CNTNAP2: variants seen among roughly 807,000 people sequenced by gnomAD.
CNTNAP2 encodes the protein contactin-associated protein-like 2.
A neutral mutation model predicts 155.2 loss-of-function variants in CNTNAP2; 98 were observed. The ratio of observed to expected loss-of-function variants is 0.63; its 90% confidence interval spans 0.54 to 0.75. CNTNAP2 has a LOEUF of 0.75. Ranked by LOEUF, CNTNAP2 falls within the 30% of genes least tolerant of loss-of-function variation. The pLI is 0.00. For synonymous variants in CNTNAP2, 651 were observed against 631.2 expected, an observed-to-expected ratio of 1.03 and a Z score of -0.47; for missense variants, 1,727 against 1,688.1, an observed-to-expected ratio of 1.02 and a Z score of -0.40.
At position 148,210,187 on chromosome 7, in the gene CNTNAP2, C is replaced by T. The variant is rs191176575; in HGVS notation, c.3011-7101C>T. ...CACAGCAATGAAATGATTTGCCTGG[C>T]CAAGGTCAAAAAGCGAGTTGGTGGC... On this transcript the variant is annotated intron_variant, in intron 18 of 23. Transcript: ENST00000361727. Among the ~76,000 whole-genome samples the T allele has an allele frequency of 3.2e-3, 491 of 152,308 alleles. 1 individual carries two copies. The highest frequency in any genetic ancestry group is 8.1e-3 in the Admixed American group (124 of 15,300).
At chr7:147,102,511 C>G (rs546049113) in intron 4 of CNTNAP2, among the ~76,000 whole-genome samples, 1 of 152,168 alleles carries the variant, frequency 6.6e-6, no homozygotes, top group African/African-American at 2.4e-5. Flanking sequence ...TGTCACTGTC[C>G]TAGGGAATAT....
intron 3 of CNTNAP2, among the ~76,000 whole-genome samples, chr7:146,926,024 G>C (rs988523207): frequency 6.6e-6 from 1 of 151,874 alleles, no homozygotes; most frequent in African/African-American, 2.4e-5. Flanking sequence ...TATTCAATTT[G>C]AAAGTATGCT....
chr7:147,813,636 C>A (rs1798215909), intron 13 of CNTNAP2, among the ~76,000 whole-genome samples: 1 of 152,196 alleles, frequency 6.6e-6, no homozygotes, highest in African/African-American at 2.4e-5. Context: ...ATGGTCCACT[C>A]CCAAGCTCAC....
At chr7:147,541,878 C>T (rs180745530) in intron 11 of CNTNAP2, among the ~76,000 whole-genome samples, 224 of 152,154 alleles carry the variant, frequency 1.5e-3, no homozygotes, top group African/African-American at 4.9e-3. Context: ...GTGAAATCAT[C>T]GAGCAACTTT....
chr7:147,265,858 C>A (rs77754302), intron 8 of CNTNAP2, among the ~76,000 whole-genome samples: 1 of 151,952 alleles, frequency 6.6e-6, no homozygotes. Context: ...TGGGAGGGAC[C>A]CAGGTGAATA....
intron 20 of CNTNAP2, among the ~76,000 whole-genome samples, chr7:148,246,934 A>G (rs180745116): frequency 1.3e-5 from 2 of 152,304 alleles, no homozygotes; most frequent in East Asian, 3.9e-4. Context: ...ATTTGTATTC[A>G]ATTGAATGTT....
At chr7:146,179,403 T>C (rs1798518736) in intron 1 of CNTNAP2, among the ~76,000 whole-genome samples, 1 of 152,018 alleles carries the variant, frequency 6.6e-6, no homozygotes, top group South Asian at 2.1e-4. Flanking sequence ...CAAAGAAATA[T>C]AACCTAGAAA....
intron 9 of CNTNAP2, 21 bp from the exon 10 acceptor site, chr7:147,395,588 C>T: frequency 6.2e-7 from 1 of 1,610,202 alleles, no homozygotes; most frequent in South Asian, 1.1e-5. Flanking sequence ...GATTTACATT[C>T]CCATTTCTTC....
At chr7:147,772,836 C>T (rs1488917648) in intron 13 of CNTNAP2, among the ~76,000 whole-genome samples, 1 of 152,094 alleles carries the variant, frequency 6.6e-6, no homozygotes, top group Non-Finnish European at 1.5e-5. Flanking sequence ...CCTAAAAACT[C>T]CAACGGTTCT....
At chr7:147,724,338 C>T (rs563510475) in intron 13 of CNTNAP2, among the ~76,000 whole-genome samples, 1 of 151,910 alleles carries the variant, frequency 6.6e-6, no homozygotes, top group Non-Finnish European at 1.5e-5. Context: ...AATCCTGAGC[C>T]GGAATTAAAT....
At chr7:147,712,828 G>A (rs1370739597) in intron 13 of CNTNAP2, among the ~76,000 whole-genome samples, 1 of 152,108 alleles carries the variant, frequency 6.6e-6, no homozygotes, top group Non-Finnish European at 1.5e-5. Context: ...CACCAACATG[G>A]CACATGTATA....
intron 9 of CNTNAP2, among the ~76,000 whole-genome samples, chr7:147,322,909 A>G (rs1795379546): frequency 8.5e-6 from 1 of 117,882 alleles, no homozygotes; most frequent in Admixed American, 9.4e-5. Context: ...TTTCTGTGGG[A>G]TCGGTGGTGA....
At chr7:147,536,317 T>A (rs1361480428) in intron 11 of CNTNAP2, among the ~76,000 whole-genome samples, 3 of 152,224 alleles carry the variant, frequency 2.0e-5, no homozygotes, top group Non-Finnish European at 4.4e-5. Flanking sequence ...AATGTGCCAG[T>A]GAGTAGGTAC....
intron 1 of CNTNAP2, among the ~76,000 whole-genome samples, chr7:146,381,503 G>T (rs1795389087): frequency 6.6e-6 from 1 of 152,110 alleles, no homozygotes; most frequent in Admixed American, 6.5e-5. Context: ...TTGTAAAATG[G>T]TGATAATAAC....
intron 15 of CNTNAP2, among the ~76,000 whole-genome samples, chr7:148,107,688 C>G (rs1177070341): frequency 6.6e-6 from 1 of 152,182 alleles, no homozygotes; most frequent in Non-Finnish European, 1.5e-5. Context: ...ATGAAGCCAT[C>G]TGGTTGATTG....
chr7:147,108,492 G>A (rs558032595), intron 5 of CNTNAP2, 142 bp downstream of exon 5: 43 of 735,648 alleles, frequency 5.8e-5, no homozygotes, highest in Non-Finnish European at 8.4e-5. Flanking sequence ...ATAACAGTAG[G>A]TATATAATGA....
intron 15 of CNTNAP2, among the ~76,000 whole-genome samples, chr7:147,991,200 T>A (rs970818577): frequency 1.3e-5 from 2 of 152,234 alleles, no homozygotes; most frequent in Admixed American, 6.5e-5. Flanking sequence ...ATTGTCACCA[T>A]TGTCCCTAAC....
At position 148,420,706 on chromosome 7, in the gene CNTNAP2, G is replaced by A. The variant is rs938887161; in HGVS notation, c.*5090G>A. The A allele has an allele frequency of 2.8e-4, 43 of 152,688 alleles. No homozygotes were observed. Among genetic ancestry groups the A allele is most frequent in the African/African-American group, 9.9e-4 (41 of 41,552 alleles). The allele number at this position is 152,688 out of a possible 1,614,324, so 9.5% of individuals were successfully genotyped here. On this transcript the variant is annotated 3_prime_UTR_variant, in exon 24 of 24. Coordinates refer to ENST00000361727, the MANE Select transcript of CNTNAP2 (RefSeq NM_014141.6). ...AAGAAACAGTTCTAGATTTTACTAA[G>A]TTTTATTTTGTCAGGTTTTTTAAAT...
chr7:147,557,160 A>T (rs6975841), intron 11 of CNTNAP2, among the ~76,000 whole-genome samples: 70,526 of 151,702 alleles, frequency 0.46, 16,534 homozygotes, highest in East Asian at 0.61. Flanking sequence ...GCTGCTTGGG[A>T]AGCTAACGCA....
Sources: gnomAD v4.1 joint callset for allele counts (sites outside exome capture counted in the v4.1 genomes callset) on GRCh38, gnomAD v4.1.1 for gene constraint, MANE v1.5 for transcripts, NCBI Gene and HGNC (gene_info 2026-07-23, HGNC 2026-07-21) for gene names.